ATP2C2: variants seen among roughly 807,000 people sequenced by gnomAD.
ATP2C2 encodes the protein calcium-transporting ATPase type 2C member 2.
Under a neutral mutation model 110.8 loss-of-function variants are expected in ATP2C2, and 171 were observed. The ratio of observed to expected loss-of-function variants is 1.54; its 90% CI spans 1.36 to 1.75. The LOEUF is 1.75. Among genes scored for constraint, ATP2C2 ranks in the 40% most tolerant of loss-of-function variants. The probability of loss-of-function intolerance (pLI) is 0.00; values close to 1 mark genes in which losing one functional copy is unlikely to be tolerated. For missense variants in ATP2C2, 1,963 were observed against 1,235.0 expected (o/e 1.59, Z -8.84); for synonymous variants, 804 against 508.4 (o/e 1.58, Z -7.82).
chr16:84,440,783 C>G (rs1909175240), intron 13 of ATP2C2, 74 bp from the exon 14 acceptor site: 3 of 1,141,622 alleles, frequency 2.6e-6, no homozygotes, highest in Non-Finnish European at 2.6e-6. Context: ...ATCCCCAGGA[C>G]AGAGATTGTG....
intron 11 of ATP2C2, among the ~76,000 whole-genome samples, chr16:84,430,360 G>T (rs77038635): frequency 1.3e-5 from 2 of 152,166 alleles, no homozygotes. Flanking sequence ...TCAGTTCTGG[G>T]CCGGGTGCGG....
intron 1 of ATP2C2, among the ~76,000 whole-genome samples, chr16:84,397,673 A>AAAAAAAAAAAAAAAAAAAAAAAAAAAAT (rs1905079752): frequency 7.1e-6 from 1 of 140,404 alleles, no homozygotes; most frequent in Non-Finnish European, 1.5e-5. Context: ...AAAAAAAAAA[A>AAAAAAAAAAAAAAAAAAAAAAAAAAAAT]CTTGCTTAAA....
intron 1 of ATP2C2, among the ~76,000 whole-genome samples, chr16:84,373,052 G>A (rs1474419097): frequency 2.0e-5 from 3 of 151,244 alleles, no homozygotes; most frequent in Non-Finnish European, 4.4e-5. Context: ...CCCAGGAGGC[G>A]GAGGTTGCAG....
At chr16:84,448,319 C>G (rs918345178) in intron 16 of ATP2C2, among the ~76,000 whole-genome samples, 1 of 152,162 alleles carries the variant, frequency 6.6e-6, no homozygotes, top group Non-Finnish European at 1.5e-5. Context: ...GAAGATTGGC[C>G]TTGTTCTTTC....
At chr16:84,450,585 T>C (rs546947816) in intron 17 of ATP2C2, among the ~76,000 whole-genome samples, 9 of 151,944 alleles carry the variant, frequency 5.9e-5, no homozygotes, top group South Asian at 2.1e-4. Context: ...GAGGGGACCA[T>C]TGGAAAAGGG....
At chr16:84,389,122 C>T (rs11644710) in intron 1 of ATP2C2, among the ~76,000 whole-genome samples, 23,949 of 152,124 alleles carry the variant, frequency 0.16, 1,998 homozygotes, top group South Asian at 0.27. Flanking sequence ...CTTTCTCTGC[C>T]TCTTCTCTTT....
intron 1 of ATP2C2, among the ~76,000 whole-genome samples, chr16:84,369,521 T>C (rs7198421): frequency 0.39 from 59,474 of 151,502 alleles, 13,227 homozygotes; most frequent in East Asian, 0.77. Flanking sequence ...TTTTTTCATT[T>C]ACGCTTAAGC....
At position 84,439,431 on chromosome 16, in the gene ATP2C2, C is replaced by T. The variant is rs566637685; in HGVS notation, c.1116C>T (p.Cys372=). ...AACTGGTGTTTGTTGTACCAGGTTG[C>T]TGCAGCGTTCTCTGTTCTGACAAGA... ...KKLPIVETLG[C]CSVLCSDKTG... Residue 372 remains cysteine (C), a synonymous_variant, in exon 13 of 27, where the codon TGC becomes TGT. Transcript: ENST00000262429. 1.2e-6 allele frequency: 2 copies of T among 1,614,128 alleles called. No homozygotes were observed. Among genetic ancestry groups the T allele is most frequent in the African/African-American group, 1.3e-5 (1 of 75,028 alleles).
chr16:84,443,970 C>G (rs986769322), intron 15 of ATP2C2, among the ~76,000 whole-genome samples: 5 of 152,056 alleles, frequency 3.3e-5, no homozygotes, highest in Non-Finnish European at 1.5e-5. Context: ...AGTTTGAGAC[C>G]AGCCTGGGCA....
intron 4 of ATP2C2, among the ~76,000 whole-genome samples, chr16:84,410,207 C>G (rs1893786495): frequency 6.6e-6 from 1 of 152,018 alleles, no homozygotes; most frequent in Non-Finnish European, 1.5e-5. Context: ...GATTCCATTT[C>G]AGAAGAAAAA....
chr16:84,459,022 A>G lies in ATP2C2; in HGVS notation c.2148-98A>G, dbSNP rs1158462451. 9.0e-6 allele frequency: 12 copies of G among 1,334,072 alleles called. 1 individual carries two copies. In the East Asian group the frequency reaches 1.6e-4, roughly 18 times the overall value. 82.6% of individuals were successfully genotyped at this position (1,334,072 alleles called of 1,614,324 possible). A position where few individuals can be genotyped will look rare whatever the true frequency, so the allele number is the denominator to read the frequency against. On this transcript the variant is annotated intron_variant, in intron 21 of 26. Transcript: ENST00000262429. ...CAGCAGGGGCCCAAGTATAACATCA[A>G]TCTGGGCGAGTCACCACTGCCCCTT...
intron 18 of ATP2C2, among the ~76,000 whole-genome samples, chr16:84,452,305 G>A (rs1025721394): frequency 6.6e-6 from 1 of 152,198 alleles, no homozygotes; most frequent in Non-Finnish European, 1.5e-5. Context: ...CAAAAGGGAA[G>A]TTCTCATGGA....
chr16:84,419,211 A>AC (rs1171826464), intron 7 of ATP2C2, among the ~76,000 whole-genome samples: 1 of 116,212 alleles, frequency 8.6e-6, no homozygotes, highest in Non-Finnish European at 1.7e-5. Context: ...CCATCTTTAA[A>AC]AAAAAAAAAA....
chr16:84,416,241 C>T (rs1906824252), intron 7 of ATP2C2, among the ~76,000 whole-genome samples: 1 of 152,172 alleles, frequency 6.6e-6, no homozygotes, highest in Admixed American at 6.5e-5. Context: ...GGTGTCACAG[C>T]TTCACAGAGC....
Position 84,453,220 on chromosome 16 carries a change from C to A in ATP2C2, c.1914C>A (p.Ala638=). ...EVDSVEKGEL[A]DRVGKVSVFF... is the part of the protein sequence containing the mutation. ...ACAGCGTGGAGAAGGGCGAGCTGGC[C>A]GACCGCGTGGGGAAGGTGGGTCCCC... Residue 638 remains alanine, a synonymous_variant, in exon 19 of 27, where the codon GCC becomes GCA. Transcript: ENST00000262429. 1 of 1,613,798 alleles carries A rather than the reference C, an allele frequency of 6.2e-7. No individual in the cohort carries two copies. The highest frequency in any genetic ancestry group is 1.1e-5 in the South Asian group (1 of 91,068).
Position 84,463,748 on chromosome 16 carries a change from G to A in ATP2C2, c.*16G>A, listed in dbSNP as rs370898821. The A allele has an allele frequency of 5.6e-5, 89 of 1,587,624 alleles. No homozygotes were observed. Among genetic ancestry groups the A allele is most frequent in the South Asian group, 3.8e-4 (34 of 90,538 alleles). On this transcript the variant is annotated 3_prime_UTR_variant, in exon 27 of 27. Transcript: ENST00000262429. ...AGATGTGTAGTGGACCGCACTCCGCGGCACCTTCCCTAATCATCTCGATCT... is the reference window on the plus strand; with the variant it reads ...AGATGTGTAGTGGACCGCACTCCGCAGCACCTTCCCTAATCATCTCGATCT...
intron 7 of ATP2C2, 133 bp from the exon 8 acceptor site, chr16:84,422,256 TG>T: frequency 9.3e-7 from 1 of 1,075,092 alleles, no homozygotes; most frequent in Non-Finnish European, 1.3e-6. Context: ...AGGCCGTCGT[TG>T]TGACACTCAT....
intron 11 of ATP2C2, among the ~76,000 whole-genome samples, chr16:84,433,480 T>G (rs1908461487): frequency 6.6e-6 from 1 of 151,834 alleles, no homozygotes; most frequent in Non-Finnish European, 1.5e-5. Flanking sequence ...CAGTGAAACC[T>G]CGTCTCTACT....
chr16:84,382,118 A>C (rs56041597), intron 1 of ATP2C2, among the ~76,000 whole-genome samples: 22,112 of 151,900 alleles, frequency 0.15, 2,083 homozygotes, highest in South Asian at 0.27. Flanking sequence ...TATTTCTCCT[A>C]ATGCTATCCC....
Sources: allele counts gnomAD v4.1 joint callset (sites outside exome capture counted in the v4.1 genomes callset), GRCh38; gene constraint gnomAD v4.1.1; transcripts MANE v1.5; gene names NCBI Gene and HGNC (gene_info 2026-07-23, HGNC 2026-07-21).